FAT4: variants seen among roughly 807,000 people sequenced by gnomAD.
The protein encoded by FAT4 is protocadherin Fat 4.
In FAT4, 84 loss-of-function variants were observed where a neutral mutation model predicts 303.9. That is an observed-to-expected ratio of 0.28 (90% CI 0.23 to 0.33). The LOEUF is 0.33. Ranked by LOEUF, FAT4 falls within the 10% of genes least tolerant of loss-of-function variation. FAT4 has a pLI of 1.00. For missense variants in FAT4, 6,005 were observed against 6,146.8 expected (o/e 0.98, Z 0.77); for synonymous variants, 2,307 against 2,298.8 (o/e 1.00, Z -0.10).
intron 16 of FAT4, among the ~76,000 whole-genome samples, chr4:125,484,060 T>TACACACAC (rs34883833): frequency 1.0e-4 from 14 of 138,158 alleles, no homozygotes; most frequent in African/African-American, 3.8e-4. Flanking sequence ...CAGACACACA[T>TACACACAC]ACACACACAC....
At chr4:125,375,638 TTTTC>T (rs1232660262) in intron 2 of FAT4, among the ~76,000 whole-genome samples, 2 of 152,218 alleles carry the variant, frequency 1.3e-5, no homozygotes, top group Non-Finnish European at 2.9e-5. Context: ...AGTTCAGTAA[TTTTC>T]TTTATCACAA....
At chr4:125,394,205 C>T (rs1276062756) in intron 2 of FAT4, among the ~76,000 whole-genome samples, 1 of 152,116 alleles carries the variant, frequency 6.6e-6, no homozygotes, top group Non-Finnish European at 1.5e-5. Flanking sequence ...GAATTGATAC[C>T]TTAAGTTGTT....
chr4:125,363,836 A>G lies in FAT4; in HGVS notation c.5176-34948A>G, dbSNP rs2457262. 9.8e-3 allele frequency among the ~76,000 whole-genome samples: 1,493 copies of G among 152,204 alleles called. 18 individuals carry two copies. Among genetic ancestry groups the G allele is most frequent in the African/African-American group, 0.034 (1,429 of 41,520 alleles). On this transcript the variant is annotated intron_variant, in intron 2 of 17. Coordinates refer to ENST00000394329, the MANE Select transcript of FAT4 (RefSeq NM_001291303.3). ...AACTAGATTTGATTTTGGAATTGCAACGATTATGGATTATTATATTCACTA... is the reference window on the plus strand; with the variant it reads ...AACTAGATTTGATTTTGGAATTGCAGCGATTATGGATTATTATATTCACTA...
chr4:125,393,184 G>A (rs1734037422), intron 2 of FAT4, among the ~76,000 whole-genome samples: 1 of 152,132 alleles, frequency 6.6e-6, no homozygotes, highest in African/African-American at 2.4e-5. Flanking sequence ...CAGGAAGGTT[G>A]TGAATTAAAA....
chr4:125,473,056 A>G (rs1389050263), intron 12 of FAT4, among the ~76,000 whole-genome samples: 1 of 152,100 alleles, frequency 6.6e-6, no homozygotes, highest in Non-Finnish European at 1.5e-5. Flanking sequence ...ACTTAATAAA[A>G]TTACCCCCAA....
intron 11 of FAT4, 85 bp downstream of exon 11, chr4:125,463,752 G>T: frequency 3.0e-6 from 2 of 666,236 alleles, no homozygotes; most frequent in South Asian, 2.8e-5. Flanking sequence ...GAGTATGAAA[G>T]ACCAAAAAAT....
intron 3 of FAT4, among the ~76,000 whole-genome samples, chr4:125,404,996 CTT>C (rs529702530): frequency 2.1e-5 from 3 of 141,666 alleles, no homozygotes; most frequent in Admixed American, 7.1e-5. Flanking sequence ...TCTCAAATTC[CTT>C]TTTTTTTTTT....
At chr4:125,373,444 T>G (rs1376186955) in intron 2 of FAT4, among the ~76,000 whole-genome samples, 1 of 152,190 alleles carries the variant, frequency 6.6e-6, no homozygotes, top group African/African-American at 2.4e-5. Context: ...TTAAAAAGTT[T>G]GATATTTATT....
At chr4:125,337,528 C>T (rs899367951) in intron 2 of FAT4, among the ~76,000 whole-genome samples, 18 of 151,812 alleles carry the variant, frequency 1.2e-4, no homozygotes, top group South Asian at 6.3e-4. Flanking sequence ...AATAATGACC[C>T]TGAGAGAAGG....
chr4:125,483,303 A>G (rs1322832941), intron 16 of FAT4, among the ~76,000 whole-genome samples: 1 of 152,204 alleles, frequency 6.6e-6, no homozygotes, highest in African/African-American at 2.4e-5. Context: ...CAAAAAAAGA[A>G]ATAGATCCTC....
intron 14 of FAT4, among the ~76,000 whole-genome samples, chr4:125,478,361 T>C (rs1380417530): frequency 1.3e-5 from 2 of 152,226 alleles, no homozygotes; most frequent in Admixed American, 1.3e-4. Flanking sequence ...TGCATCCTTT[T>C]ATATCTCCGT....
At position 125,452,244 on chromosome 4, in the gene FAT4, G is replaced by A; in HGVS notation, c.11234G>A (p.Gly3745Asp). The A allele has an allele frequency of 6.2e-7, 1 of 1,614,228 alleles. No individual in the cohort carries two copies. Among genetic ancestry groups the A allele is most frequent in the Non-Finnish European group, 8.5e-7 (1 of 1,180,034 alleles). Residue 3745 changes from glycine (G) to aspartate (D), a missense_variant, in exon 10 of 18, where the codon GGC becomes GAC. Gly to Asp is a moderately conservative substitution (Grantham distance 94). Coordinates refer to ENST00000394329, the MANE Select transcript of FAT4 (RefSeq NM_001291303.3). ...CGCATTGCCAGCTCACAGCTGACAG[G>A]CTTAGGGACTGCTGTGCAACTGTAC... ...FLRIASSQLT[G>D]LGTAVQLYSA...
At position 125,487,389 on chromosome 4, in the gene FAT4, T is replaced by G; in HGVS notation, c.12867T>G (p.Ala4289=). 6.2e-7 allele frequency: 1 copy of G among 1,613,964 alleles called. No homozygotes were observed. Among genetic ancestry groups the G allele is most frequent in the Non-Finnish European group, 8.5e-7 (1 of 1,179,848 alleles). ...KVYFTSDAGI[A]GKVERNIPEV... ...ATTTTACATCCGATGCAGGAATTGC[T>G]GGGAAAGTGGAGAGAAATATTCCTG... is the stretch of plus-strand genomic sequence containing the variant. The change falls in exon 17 of 18, where the codon GCT becomes GCG. Residue 4289 remains alanine, a synonymous_variant. Coordinates refer to ENST00000394329, the MANE Select transcript of FAT4 (RefSeq NM_001291303.3).
intron 7 of FAT4, among the ~76,000 whole-genome samples, chr4:125,416,914 C>G (rs1271644775): frequency 6.6e-6 from 1 of 152,120 alleles, no homozygotes; most frequent in Non-Finnish European, 1.5e-5. Flanking sequence ...CCACTGTTCT[C>G]CAGCCTGGGC....
intron 7 of FAT4, among the ~76,000 whole-genome samples, chr4:125,421,233 G>A (rs528636244): frequency 8.5e-5 from 13 of 152,184 alleles, no homozygotes; most frequent in Admixed American, 8.5e-4. Flanking sequence ...TTCACCATTC[G>A]ACAATTCTTT....
At position 125,317,845 on chromosome 4, in the gene FAT4, A is replaced by G; in HGVS notation, c.1434A>G (p.Gln478=). The stretch of plus-strand genomic sequence containing the variant: ...ACCATCCTCCTGTCTTTTCACAGCA[A>G]GTGTACAGAGTGAACCTGAGCGAGG... ...INDHPPVFSQ[Q]VYRVNLSEEA... The change falls in exon 2 of 18, where the codon CAA becomes CAG. Residue 478 remains glutamine, a synonymous_variant. Coordinates refer to ENST00000394329, the MANE Select transcript of FAT4 (RefSeq NM_001291303.3). This position sits in a 1 kb window ranked among gnomAD's most constrained non-coding sequence, Gnocchi z 7.0. 1 of 1,614,098 alleles carries G rather than the reference A, an allele frequency of 6.2e-7. No individual in the cohort carries two copies. Among genetic ancestry groups the G allele is most frequent in the Non-Finnish European group, 8.5e-7 (1 of 1,180,012 alleles).
chr4:125,406,617 CA>C (rs1039329353), intron 3 of FAT4, among the ~76,000 whole-genome samples: 2 of 152,164 alleles, frequency 1.3e-5, no homozygotes, highest in African/African-American at 4.8e-5. Context: ...TTAAGTCTTC[CA>C]ATGCATGAAC....
At chr4:125,362,015 G>A (rs1327609773) in intron 2 of FAT4, among the ~76,000 whole-genome samples, 1 of 151,982 alleles carries the variant, frequency 6.6e-6, no homozygotes, top group Non-Finnish European at 1.5e-5. Context: ...GTAGACTCTG[G>A]ATCAGACTTC....
chr4:125,316,381 C>G lies in FAT4; in HGVS notation c.-12-19C>G. On this transcript the variant is annotated intron_variant, in intron 1 of 17. Coordinates refer to ENST00000394329, the MANE Select transcript of FAT4 (RefSeq NM_001291303.3). This position sits in a 1 kb window ranked among gnomAD's most constrained non-coding sequence, Gnocchi z 5.7. The stretch of plus-strand genomic sequence containing the variant: ...TGCGTTTGCTTCACCCCTTCCTTCT[C>G]TTTATCACATCGTTTTAGGGAGCCA... The G allele has an allele frequency of 1.9e-6, 3 of 1,566,558 alleles. No homozygotes were observed. Among genetic ancestry groups the G allele is most frequent in the Non-Finnish European group, 2.6e-6 (3 of 1,154,974 alleles).
Sources: allele counts gnomAD v4.1 joint callset (sites outside exome capture counted in the v4.1 genomes callset), GRCh38; gene constraint gnomAD v4.1.1; non-coding constraint Gnocchi (gnomAD v3.1); transcripts MANE v1.5; gene names NCBI Gene and HGNC (gene_info 2026-07-23, HGNC 2026-07-21).